RB1CC1: variants seen among roughly 807,000 people sequenced by gnomAD.
The protein encoded by RB1CC1 is RB1-inducible coiled-coil protein 1.
RB1CC1 carries 46 observed loss-of-function variants against 177.5 expected under a neutral mutation model. That is an observed-to-expected ratio of 0.26 (90% CI 0.20 to 0.33). RB1CC1 has a LOEUF of 0.33. RB1CC1 is among the 10% of genes least tolerant of loss of function. RB1CC1 has a pLI of 1.00. For synonymous variants in RB1CC1, 666 were observed against 613.6 expected, an observed-to-expected ratio of 1.09 and a Z score of -1.26; for missense variants, 1,703 against 1,816.3, an observed-to-expected ratio of 0.94 and a Z score of 1.13.
At chr8:52,634,847 A>T in intron 20 of RB1CC1, 74 bp downstream of exon 20, 2 of 1,284,952 alleles carry the variant, frequency 1.6e-6, no homozygotes, top group South Asian at 1.3e-5. Flanking sequence ...CTCTGATGGA[A>T]TATCTTCATA....
At chr8:52,658,219 G>A in intron 13 of RB1CC1, 95 bp from the exon 14 acceptor site, 7 of 1,267,532 alleles carry the variant, frequency 5.5e-6, no homozygotes, top group Non-Finnish European at 7.6e-6. Flanking sequence ...AATAACAAGA[G>A]CCTTATCATT....
Position 52,645,922 on chromosome 8 carries a change from T to A in RB1CC1, c.3822-55A>T. 10 of 1,478,934 alleles carry A rather than the reference T, an allele frequency of 6.8e-6. No individual in the cohort carries two copies. In the South Asian group the frequency reaches 8.7e-5, roughly 13 times the overall value. The allele number at this position is 1,478,934 out of a possible 1,614,324, so 91.6% of individuals were successfully genotyped here. On this transcript the variant is annotated intron_variant, in intron 15 of 23. Transcript: ENST00000025008. Reference sequence around the variant, plus strand: ...AAAAAAAATTACAGACACACAAATATACCAAATATCATATTTGGGAAATTT... The same window carrying A: ...AAAAAAAATTACAGACACACAAATAAACCAAATATCATATTTGGGAAATTT...
At chr8:52,681,298 AT>A (rs1853696754) in intron 5 of RB1CC1, among the ~76,000 whole-genome samples, 1 of 152,064 alleles carries the variant, frequency 6.6e-6, no homozygotes, top group African/African-American at 2.4e-5. Flanking sequence ...ACCTGAAACT[AT>A]TTTTATCAAT....
intron 22 of RB1CC1, among the ~76,000 whole-genome samples, chr8:52,625,428 G>A (rs1199205309): frequency 1.3e-5 from 2 of 152,100 alleles, no homozygotes; most frequent in African/African-American, 4.8e-5. Context: ...AAGCCAAAAT[G>A]TGACAAGCCA....
intron 1 of RB1CC1, among the ~76,000 whole-genome samples, chr8:52,690,732 A>G (rs1423593534): frequency 6.6e-6 from 1 of 152,216 alleles, no homozygotes; most frequent in Non-Finnish European, 1.5e-5. Context: ...AATTCCAGTT[A>G]GAGAAAAATT....
chr8:52,628,362 A>C (rs1848537035), intron 21 of RB1CC1, among the ~76,000 whole-genome samples, 194 bp from the exon 22 acceptor site: 2 of 152,208 alleles, frequency 1.3e-5, no homozygotes, highest in Non-Finnish European at 2.9e-5. Context: ...AGATATTCAA[A>C]GGATGATGTC....
intron 19 of RB1CC1, among the ~76,000 whole-genome samples, chr8:52,635,282 T>C (rs1271961379): frequency 6.6e-6 from 1 of 152,162 alleles, no homozygotes; most frequent in East Asian, 1.9e-4. Flanking sequence ...AAGTCGTGCC[T>C]AAGAGAATAC....
intron 11 of RB1CC1, 72 bp downstream of exon 11, chr8:52,660,854 C>T: frequency 7.5e-7 from 1 of 1,326,224 alleles, no homozygotes. Flanking sequence ...ATGAAGTATG[C>T]TACAGAAAAT....
Position 52,642,598 on chromosome 8 carries a change from G to C in RB1CC1, c.4097-7C>G. 6.2e-7 allele frequency: 1 copy of C among 1,610,740 alleles called. No individual in the cohort carries two copies. Among genetic ancestry groups the C allele is most frequent in the Non-Finnish European group, 8.5e-7 (1 of 1,178,712 alleles). On this transcript the variant is annotated splice_polypyrimidine_tract_variant and splice_region_variant and intron_variant, in intron 17 of 23. Coordinates refer to ENST00000025008, the MANE Select transcript of RB1CC1 (RefSeq NM_014781.5). ...GAAAGTGACTCTATCAAATCTGAAG[G>C]ACACCCAAATTTAAAAAAGTATCAT...
At position 52,656,842 on chromosome 8, in the gene RB1CC1, T is replaced by C. The variant is rs778518333; in HGVS notation, c.2987A>G (p.Gln996Arg). Reference protein sequence around the residue: ...SHLKELEDTLQVRHIQEFEKV... With the variant: ...SHLKELEDTLRVRHIQEFEKV... ...CTCAAACTCTTGTATGTGCCTAACC[T>C]GAAGTGTGTCCTCTAATTCCTTTAG... The change falls in exon 15 of 24, where the codon CAG becomes CGG. Residue 996 changes from glutamine (Q) to arginine (R), a missense_variant. Coordinates refer to ENST00000025008, the MANE Select transcript of RB1CC1 (RefSeq NM_014781.5). 6.2e-7 allele frequency: 1 copy of C among 1,613,678 alleles called. No individual in the cohort carries two copies. The highest frequency in any genetic ancestry group is 1.3e-5 in the African/African-American group (1 of 74,938).
intron 1 of RB1CC1, among the ~76,000 whole-genome samples, chr8:52,699,940 G>A (rs1378121715): frequency 1.0e-4 from 15 of 146,994 alleles, no homozygotes; most frequent in African/African-American, 3.8e-4. Context: ...TCTGAATGAT[G>A]CCAGGAGCTG....
At chr8:52,685,740 T>C (rs1854220596) in intron 2 of RB1CC1, among the ~76,000 whole-genome samples, 1 of 152,166 alleles carries the variant, frequency 6.6e-6, no homozygotes, top group African/African-American at 2.4e-5. Flanking sequence ...GCATAACTGT[T>C]CTGCCACAGG....
At chr8:52,701,513 G>T (rs114757932) in intron 1 of RB1CC1, among the ~76,000 whole-genome samples, 2 of 152,226 alleles carry the variant, frequency 1.3e-5, no homozygotes, top group African/African-American at 4.8e-5. Flanking sequence ...CAAAACAAGA[G>T]GATACTGACC....
Position 52,623,416 on chromosome 8 carries a change from A to G in RB1CC1, c.*366T>C, listed in dbSNP as rs1161337355. The G allele has an allele frequency of 1.3e-5, 4 of 318,148 alleles. No individual in the cohort carries two copies. The highest frequency in any genetic ancestry group is 4.4e-5 in the African/African-American group (2 of 45,618). 19.7% of individuals were successfully genotyped at this position (318,148 alleles called of 1,614,324 possible). A position where few individuals can be genotyped will look rare whatever the true frequency, so the allele number is the denominator to read the frequency against. ...CACAAAAGGACAAATGCTGGTAATA[A>G]TAACATTTAACATCTAAGTTCAAGC... On this transcript the variant is annotated 3_prime_UTR_variant, in exon 24 of 24. Transcript: ENST00000025008.
At position 52,648,296 on chromosome 8, in the gene RB1CC1, C is replaced by T. The variant is rs188973099; in HGVS notation, c.3822-2429G>A. The stretch of plus-strand genomic sequence containing the variant: ...GTTTCTTGTGGCTGTATTAATCCGG[C>T]CAAAAGTACATACTATGCCATATTG... On this transcript the variant is annotated intron_variant, in intron 15 of 23. Transcript: ENST00000025008. Among the ~76,000 whole-genome samples, 227 of 152,232 alleles carry T rather than the reference C, an allele frequency of 1.5e-3. 1 individual carries two copies. Among genetic ancestry groups the T allele is most frequent in the African/African-American group, 5.3e-3 (222 of 41,542 alleles).
chr8:52,649,798 C>T (rs1292175716), intron 15 of RB1CC1, among the ~76,000 whole-genome samples: 5 of 152,208 alleles, frequency 3.3e-5, no homozygotes, highest in African/African-American at 4.8e-5. Context: ...ACACACGTTC[C>T]ACTCTTATTT....
At chr8:52,630,604 A>G in intron 20 of RB1CC1, 76 bp from the exon 21 acceptor site, 1 of 1,420,840 alleles carries the variant, frequency 7.0e-7, no homozygotes, top group Non-Finnish European at 9.3e-7. Context: ...AATTTCACCC[A>G]CTGTTATACA....
At chr8:52,635,726 ATTACT>A (rs1849090653) in intron 19 of RB1CC1, among the ~76,000 whole-genome samples, 1 of 152,144 alleles carries the variant, frequency 6.6e-6, no homozygotes, top group South Asian at 2.1e-4. Context: ...AGGTAAAACT[ATTACT>A]TTACACATTG....
chr8:52,661,760 T>C (rs1352205198), intron 8 of RB1CC1, 41 bp from the exon 9 acceptor site: 4 of 1,443,456 alleles, frequency 2.8e-6, no homozygotes, highest in Non-Finnish European at 3.7e-6. Context: ...TAATTTTGTT[T>C]CATGAAAGGT....
Sources: allele counts gnomAD v4.1 joint callset (sites outside exome capture counted in the v4.1 genomes callset), GRCh38; gene constraint gnomAD v4.1.1; transcripts MANE v1.5; gene names NCBI Gene and HGNC (gene_info 2026-07-23, HGNC 2026-07-21).